Variants in ABAT observed in about 807,000 individuals in gnomAD.
ABAT encodes 4-aminobutyrate aminotransferase, mitochondrial.
ABAT carries 45 observed loss-of-function variants against 64.6 expected under a neutral mutation model. That is an observed-to-expected ratio of 0.70 (90% CI 0.55 to 0.89). The LOEUF is 0.89. ABAT is among the 40% of genes least tolerant of loss of function. The pLI is 0.00. For missense variants in ABAT, 633 were observed against 658.4 expected (o/e 0.96, Z 0.42); for synonymous variants, 297 against 250.5 (o/e 1.19, Z -1.75).
chr16:8,743,331 T>C (rs1206523846), intron 2 of ABAT, among the ~76,000 whole-genome samples: 1 of 147,120 alleles, frequency 6.8e-6, no homozygotes, highest in African/African-American at 2.6e-5. Flanking sequence ...TGTGTGTGTG[T>C]GTGTGTGTGT....
intron 1 of ABAT, among the ~76,000 whole-genome samples, chr16:8,718,905 C>A (rs951775216): frequency 6.6e-6 from 1 of 152,234 alleles, no homozygotes; most frequent in South Asian, 2.1e-4. Context: ...CAGCGTGACT[C>A]CAGCCACCAA....
At chr16:8,775,754 C>T (rs905219511) in intron 13 of ABAT, among the ~76,000 whole-genome samples, 2 of 152,182 alleles carry the variant, frequency 1.3e-5, no homozygotes, top group Non-Finnish European at 2.9e-5. Context: ...TCTTTAGCAG[C>T]CTTTCTAGAA....
At chr16:8,711,032 A>C (rs2058059777) in intron 1 of ABAT, among the ~76,000 whole-genome samples, 1 of 152,234 alleles carries the variant, frequency 6.6e-6, no homozygotes, top group South Asian at 2.1e-4. Flanking sequence ...TATTTTAACC[A>C]GTTCCCACTC....
intron 1 of ABAT, among the ~76,000 whole-genome samples, chr16:8,694,314 C>T (rs966726139): frequency 6.6e-5 from 10 of 151,992 alleles, no homozygotes; most frequent in Admixed American, 6.6e-4. Flanking sequence ...TGAGCCACCG[C>T]GCCCGGCCCA....
Position 8,691,443 on chromosome 16 carries a change from CT to C in ABAT, c.-42+16744del, listed in dbSNP as rs923253481. ...TGCTGCAACTGTGCTCCCCAGGGAACTTTTTTTTTTTTCCAAGACAGACTCT... is the reference window on the plus strand; with the variant it reads ...TGCTGCAACTGTGCTCCCCAGGGAACTTTTTTTTTTTCCAAGACAGACTCT... On this transcript the variant is annotated intron_variant, in intron 1 of 15. Transcript: ENST00000268251. Among the ~76,000 whole-genome samples, 485 of 147,226 alleles carry C rather than the reference CT, an allele frequency of 3.3e-3. 2 individuals carry two copies. Among genetic ancestry groups the C allele is most frequent in the African/African-American group, 0.01 (406 of 40,410 alleles).
chr16:8,723,157 C>T (rs937840711), intron 1 of ABAT, among the ~76,000 whole-genome samples: 36 of 152,188 alleles, frequency 2.4e-4, no homozygotes, highest in African/African-American at 8.4e-4. Flanking sequence ...CACTTGAATC[C>T]GGGAGGCAGA....
intron 5 of ABAT, among the ~76,000 whole-genome samples, chr16:8,753,518 C>T (rs1033452701): frequency 2.0e-5 from 3 of 152,218 alleles, no homozygotes; most frequent in Non-Finnish European, 4.4e-5. Context: ...GGACCAGCTC[C>T]GCTTTCATCT....
chr16:8,685,088 CA>C (rs1567269724), intron 1 of ABAT, among the ~76,000 whole-genome samples: 2 of 151,670 alleles, frequency 1.3e-5, no homozygotes, highest in African/African-American at 4.8e-5. Flanking sequence ...AGTTCGAGAC[CA>C]CCTTGGGCAA....
intron 1 of ABAT, among the ~76,000 whole-genome samples, chr16:8,710,727 A>AGAGGGGGAGAGGGAGG (rs1555485684): frequency 1.9e-5 from 2 of 103,754 alleles, no homozygotes; most frequent in South Asian, 4.0e-4. Flanking sequence ...AGAGAGAGAG[A>AGAGGGGGAGAGGGAGG]GAGGAAATAG....
chr16:8,732,008 C>A (rs1256822657), intron 1 of ABAT, among the ~76,000 whole-genome samples: 1 of 151,454 alleles, frequency 6.6e-6, no homozygotes, highest in East Asian at 1.9e-4. Flanking sequence ...AGCTCACAAC[C>A]ACGCCCGGGT....
At chr16:8,724,614 T>C (rs1206819628) in intron 1 of ABAT, among the ~76,000 whole-genome samples, 2 of 151,818 alleles carry the variant, frequency 1.3e-5, no homozygotes, top group African/African-American at 4.8e-5. Context: ...CATGTGCTTA[T>C]AGTCCCAGCT....
At chr16:8,710,795 C>T (rs945795196) in intron 1 of ABAT, among the ~76,000 whole-genome samples, 7 of 150,640 alleles carry the variant, frequency 4.6e-5, no homozygotes, top group African/African-American at 1.7e-4. Context: ...CTTCTTGTAC[C>T]AACCCTCTGG....
chr16:8,696,013 A>G (rs1451532859), intron 1 of ABAT, among the ~76,000 whole-genome samples: 1 of 152,244 alleles, frequency 6.6e-6, no homozygotes, highest in African/African-American at 2.4e-5. Context: ...TCCAGCCTCC[A>G]GAGTGGATCC....
rs1346641023 is a variant in ABAT at position 8,783,158 on chromosome 16, CAAGGT to C, written c.*1729_*1733del. The C allele has an allele frequency of 1.3e-5, 2 of 152,166 alleles. No homozygotes were observed. Among genetic ancestry groups the C allele is most frequent in the East Asian group, 3.9e-4 (2 of 5,178 alleles). 9.4% of individuals were successfully genotyped at this position (152,166 alleles called of 1,614,324 possible). A position where few individuals can be genotyped will look rare whatever the true frequency, so the allele number is the denominator to read the frequency against. On this transcript the variant is annotated 3_prime_UTR_variant, in exon 16 of 16. Transcript: ENST00000268251. The stretch of plus-strand genomic sequence containing the variant: ...GGTGATGTATGCCTCCCACTCTCTG[CAAGGT>C]TTTCCTCATTTTTATATTCATTTAT...
intron 6 of ABAT, among the ~76,000 whole-genome samples, chr16:8,763,624 G>A (rs144662760): frequency 2.2e-4 from 33 of 152,224 alleles, no homozygotes; most frequent in South Asian, 4.2e-4. Flanking sequence ...GGCTGGTCTC[G>A]AACTCCTGGC....
chr16:8,770,525 A>C (rs564933258), intron 11 of ABAT, among the ~76,000 whole-genome samples: 2 of 151,954 alleles, frequency 1.3e-5, no homozygotes. Flanking sequence ...TGCAGTCTCG[A>C]CCTCTCTGGG....
chr16:8,738,622 G>GTTTTTTTTTTTTTTTTTT (rs1204824310), intron 2 of ABAT, among the ~76,000 whole-genome samples: 1 of 111,374 alleles, frequency 9.0e-6, no homozygotes, highest in Admixed American at 8.6e-5. Context: ...TTTTGTTTTT[G>GTTTTTTTTTTTTTTTTTT]TTTTTGTTTT....
chr16:8,756,638 G>A (rs1015125372), intron 5 of ABAT, among the ~76,000 whole-genome samples: 2 of 152,164 alleles, frequency 1.3e-5, no homozygotes, highest in Non-Finnish European at 1.5e-5. Flanking sequence ...CACATATCCT[G>A]TGTCTCTCCT....
chr16:8,693,638 T>A (rs1033403108), intron 1 of ABAT, among the ~76,000 whole-genome samples: 1 of 152,092 alleles, frequency 6.6e-6, no homozygotes, highest in Non-Finnish European at 1.5e-5. Context: ...TGGGCTAATT[T>A]TGGTATGTTT....
Sources: gnomAD v4.1 joint callset for allele counts (sites outside exome capture counted in the v4.1 genomes callset) on GRCh38, gnomAD v4.1.1 for gene constraint, MANE v1.5 for transcripts, NCBI Gene and HGNC (gene_info 2026-07-23, HGNC 2026-07-21) for gene names.